GP6: variants seen among roughly 807,000 people sequenced by gnomAD.
GP6 encodes the protein glycoprotein VI platelet, also known as platelet glycoprotein VI.
GP6 carries 45 observed loss-of-function variants against 37.3 expected under a neutral mutation model. That is an observed-to-expected ratio of 1.21 (90% confidence interval 0.95 to 1.55). The LOEUF (loss-of-function observed/expected upper bound fraction) is 1.55, where lower values mean the gene tolerates loss of function less well. GP6 is among the 40% of genes most tolerant of loss of function. The pLI, the probability that GP6 is intolerant of heterozygous loss-of-function variation, is 0.00. For missense variants in GP6, 813 were observed against 760.2 expected, an observed-to-expected ratio of 1.07 and a Z score of -0.82; for synonymous variants, 340 against 316.4, an observed-to-expected ratio of 1.07 and a Z score of -0.79.
intron 3 of GP6, among the ~76,000 whole-genome samples, chr19:55,030,215 C>CT (rs1302112901): frequency 3.9e-5 from 6 of 152,170 alleles, no homozygotes; most frequent in Non-Finnish European, 7.3e-5. Context: ...AGTGCACTAA[C>CT]TGGGTGCACC....
At chr19:55,035,275 G>A (rs1212136345) in intron 1 of GP6, among the ~76,000 whole-genome samples, 1 of 152,186 alleles carries the variant, frequency 6.6e-6, no homozygotes, top group African/African-American at 2.4e-5. Context: ...GGTTACCGGG[G>A]CGGTGGGGTA....
intron 7 of GP6, 96 bp downstream of exon 7, chr19:55,015,587 G>C: frequency 2.5e-6 from 2 of 800,264 alleles, no homozygotes; most frequent in Admixed American, 3.8e-5. Context: ...TGGAACCCAA[G>C]ATCTGAGAGC....
In GP6 at chr19:55,014,274, T is replaced by G; in HGVS notation, c.1671A>C (p.Gln557His). Residue 557 changes from glutamine (Q) to histidine (H), a missense_variant, in exon 8 of 8, where the codon CAA becomes CAC. By Grantham distance (24) the Gln-to-His change is conservative. Coordinates refer to ENST00000310373, the MANE Select transcript of GP6 (RefSeq NM_001083899.2). The stretch of plus-strand genomic sequence containing the variant: ...ATGCACCACCACACCTGGCTAATTT[T>G]TGTGTTTTTTTGTTTTGTTGGTAGA... 7.9e-7 allele frequency: 1 copy of G among 1,260,656 alleles called. No homozygotes were observed. Among genetic ancestry groups the G allele is most frequent in the Non-Finnish European group, 1.2e-6 (1 of 865,158 alleles). 78.1% of individuals were successfully genotyped at this position (1,260,656 alleles called of 1,614,324 possible). A position where few individuals can be genotyped will look rare whatever the true frequency, so the allele number is the denominator to read the frequency against.
At position 55,013,980 on chromosome 19, in the gene GP6, G is replaced by A. The variant is rs752994413; in HGVS notation, c.*102C>T. 1.3e-5 allele frequency: 6 copies of A among 448,964 alleles called. No homozygotes were observed. The highest frequency in any genetic ancestry group is 2.0e-5 in the African/African-American group (1 of 50,148). The allele number at this position is 448,964 out of a possible 1,614,324, so 27.8% of individuals were successfully genotyped here. Reference sequence around the variant, plus strand: ...AAGTAAATATGAGAGGGGTGGAGACGGTGCATTATCTTATTTTTATGATTT... The same window carrying A: ...AAGTAAATATGAGAGGGGTGGAGACAGTGCATTATCTTATTTTTATGATTT... On this transcript the variant is annotated 3_prime_UTR_variant, in exon 8 of 8. Transcript: ENST00000310373.
intron 5 of GP6, among the ~76,000 whole-genome samples, chr19:55,021,622 G>A (rs1239473757): frequency 2.1e-5 from 3 of 144,056 alleles, no homozygotes; most frequent in Admixed American, 7.3e-5. Flanking sequence ...CCGGGTTCAC[G>A]CCATTCTCCT....
rs148958650 is a variant in GP6 at position 55,025,682 on chromosome 19, G to A, written c.611-411C>T. Among the ~76,000 whole-genome samples the A allele has an allele frequency of 4.1e-3, 620 of 151,414 alleles. 6 individuals carry two copies. Among genetic ancestry groups the A allele is most frequent in the African/African-American group, 0.014 (563 of 41,108 alleles). On this transcript the variant is annotated intron_variant, in intron 4 of 7. Coordinates refer to ENST00000310373, the MANE Select transcript of GP6 (RefSeq NM_001083899.2). ...GATCGCACCACTGCACTCCAGCCTG[G>A]GTGACGCAGTAAGACTCCATCTGAA...
intron 7 of GP6, among the ~76,000 whole-genome samples, chr19:55,015,393 C>A (rs1047436883): frequency 3.3e-5 from 5 of 152,212 alleles, no homozygotes; most frequent in Admixed American, 2.0e-4. Context: ...TGAGACAACT[C>A]CTCCCCAGAC....
At chr19:55,029,099 A>AGG (rs2074419015) in intron 3 of GP6, among the ~76,000 whole-genome samples, 1 of 110,726 alleles carries the variant, frequency 9.0e-6, no homozygotes, top group Non-Finnish European at 2.4e-5. Flanking sequence ...AAAGAAAGAA[A>AGG]GAGGAAGGAA....
chr19:55,025,324 A>G, intron 4 of GP6, 53 bp from the exon 5 acceptor site: 1 of 1,125,144 alleles, frequency 8.9e-7, no homozygotes, highest in East Asian at 2.6e-5. Flanking sequence ...TGGGTCCTGA[A>G]CAAATAACGA....
intron 1 of GP6, among the ~76,000 whole-genome samples, chr19:55,035,542 C>A (rs1005777881): frequency 6.6e-6 from 1 of 152,068 alleles, no homozygotes; most frequent in Non-Finnish European, 1.5e-5. Context: ...CATGGTGAAA[C>A]CCTGTCTCTA....
chr19:55,035,064 C>T (rs543466596), intron 1 of GP6, among the ~76,000 whole-genome samples: 3 of 152,282 alleles, frequency 2.0e-5, no homozygotes, highest in South Asian at 4.2e-4. Context: ...CCGTGCTGAG[C>T]GCCTTCTGTG....
chr19:55,027,597 GGGGTCGCTGGGGGCTGACCACAGGTAT>G lies in GP6; in HGVS notation c.564_590del (p.Tyr189_Pro197del), dbSNP rs1344229199. On this transcript the variant is annotated inframe_deletion, in exon 4 of 8. Transcript: ENST00000310373. ...CCCTACCTGTGACCACAAGCTCCAG[GGGGTCGCTGGGGGCTGACCACAGGTAT>G]GGGTCCCTGCTGGAGAAGCTGTAGC... 26 of 1,613,440 alleles carry G rather than the reference GGGGTCGCTGGGGGCTGACCACAGGTAT, an allele frequency of 1.6e-5. No individual in the cohort carries two copies. Among genetic ancestry groups the G allele is most frequent in the Non-Finnish European group, 2.1e-5 (25 of 1,179,566 alleles).
chr19:55,028,900 CA>C, intron 3 of GP6, among the ~76,000 whole-genome samples: 1 of 152,060 alleles, frequency 6.6e-6, no homozygotes, highest in South Asian at 2.1e-4. Context: ...TTTGGGAGGC[CA>C]AGGTGGGAGG....
intron 3 of GP6, among the ~76,000 whole-genome samples, chr19:55,029,801 G>C (rs1221856619): frequency 1.3e-5 from 2 of 151,870 alleles, no homozygotes; most frequent in Middle Eastern, 3.2e-3. Flanking sequence ...TTAGCGAGAA[G>C]AGAGTATTTG....
chr19:55,019,650 C>T (rs2074002973), intron 5 of GP6, among the ~76,000 whole-genome samples: 1 of 150,866 alleles, frequency 6.6e-6, no homozygotes, highest in Non-Finnish European at 1.5e-5. Context: ...GGATCTCCAC[C>T]TTCCAACTTA....
chr19:55,021,702 A>C (rs1476519545), intron 5 of GP6, among the ~76,000 whole-genome samples: 5 of 151,420 alleles, frequency 3.3e-5, no homozygotes, highest in East Asian at 2.0e-4. Context: ...TTGTATTTTT[A>C]ATAGAGACGG....
intron 3 of GP6, among the ~76,000 whole-genome samples, chr19:55,029,345 TATATATATATATATATATATATATATA>T (rs1568628558): frequency 0.012 from 56 of 4,848 alleles, 2 homozygotes; most frequent in African/African-American, 0.019. Context: ...TATATATATA[TATATATATATATATATATATATATATA>T]TATTTTTTTT....
chr19:55,014,747 A>G lies in GP6; in HGVS notation c.1198T>C (p.Ser400Pro), dbSNP rs769390004. The G allele has an allele frequency of 6.2e-7, 1 of 1,613,870 alleles. No individual in the cohort carries two copies. The highest frequency in any genetic ancestry group is 1.7e-5 in the Admixed American group (1 of 60,000). ...CTCAGACAGAGAGGCAGACAGACAG[A>G]CAGACACTGGCCGAACGGCTCCCTG... The change falls in exon 8 of 8, where the codon TCT becomes CCT. Residue 400 changes from serine (S) to proline (P), a missense_variant. By Grantham distance (74) the Ser-to-Pro change is moderately conservative (BLOSUM62 -1). Coordinates refer to ENST00000310373, the MANE Select transcript of GP6 (RefSeq NM_001083899.2).
intron 1 of GP6, among the ~76,000 whole-genome samples, chr19:55,034,521 A>T (rs1477594026): frequency 6.6e-6 from 1 of 150,700 alleles, no homozygotes; most frequent in Non-Finnish European, 1.5e-5. Context: ...ACGCCACTAC[A>T]CTCCAGCCTG....
Sources: gnomAD v4.1 joint callset for allele counts (sites outside exome capture counted in the v4.1 genomes callset) on GRCh38, gnomAD v4.1.1 for gene constraint, MANE v1.5 for transcripts, NCBI Gene and HGNC (gene_info 2026-07-23, HGNC 2026-07-21) for gene names.